The following XIRP2 variants were observed in gnomAD, a reference collection of about 807,000 sequenced individuals.
XIRP2 encodes the protein xin actin-binding repeat-containing protein 2.
XIRP2 carries 236 observed loss-of-function variants against 277.0 expected under a neutral mutation model. That is an observed-to-expected ratio of 0.85 (90% CI 0.77 to 0.95). The LOEUF is 0.95. XIRP2 is among the 40% of genes least tolerant of loss of function. The pLI is 0.00. For synonymous variants in XIRP2, 1,490 were observed against 1,416.5 expected (o/e 1.05, Z -1.17); for missense variants, 4,640 against 4,157.5 (o/e 1.12, Z -3.19).
At position 167,249,624 on chromosome 2, in the gene XIRP2, C is replaced by G. The variant is rs1260382195; in HGVS notation, c.8232C>G (p.Thr2744=). The change falls in exon 9 of 11, where the codon ACC becomes ACG. Residue 2744 remains threonine, a synonymous_variant. Coordinates refer to ENST00000409195, the MANE Select transcript of XIRP2 (RefSeq NM_152381.6). ...QQSEIDVQTF[T]KKQYLKTKKT... is the part of the protein sequence containing the mutation. ...CTGAGATTGATGTTCAAACCTTTACCAAAAAACAATATCTGAAAACCAAGA... is the reference window on the plus strand; with the variant it reads ...CTGAGATTGATGTTCAAACCTTTACGAAAAAACAATATCTGAAAACCAAGA... The G allele has an allele frequency of 5.6e-6, 9 of 1,613,306 alleles. No individual in the cohort carries two copies. The highest frequency in any genetic ancestry group is 6.8e-6 in the Non-Finnish European group (8 of 1,179,734).
intron 5 of XIRP2, among the ~76,000 whole-genome samples, chr2:167,224,122 G>A (rs1694517842): frequency 6.6e-6 from 1 of 152,030 alleles, no homozygotes. Context: ...AACAAGAAGG[G>A]GGAACTCACT....
chr2:167,076,816 T>C (rs1317126094), intron 2 of XIRP2, among the ~76,000 whole-genome samples: 36 of 152,100 alleles, frequency 2.4e-4, no homozygotes, highest in Non-Finnish European at 2.9e-5. Context: ...GTTAGTTATT[T>C]ATGTATTTAT....
intron 2 of XIRP2, among the ~76,000 whole-genome samples, chr2:166,986,960 T>G (rs1687022764): frequency 6.6e-6 from 1 of 152,208 alleles, no homozygotes; most frequent in Admixed American, 6.5e-5. Context: ...CTTATATAAT[T>G]TATTTCACTT....
At chr2:167,222,379 T>C (rs921131785) in intron 5 of XIRP2, among the ~76,000 whole-genome samples, 10 of 152,164 alleles carry the variant, frequency 6.6e-5, no homozygotes, top group African/African-American at 1.2e-4. Flanking sequence ...AGGGTTGAGC[T>C]TCTTCAAAGA....
intron 2 of XIRP2, among the ~76,000 whole-genome samples, chr2:167,108,911 G>A (rs1331259452): frequency 6.6e-6 from 1 of 151,440 alleles, no homozygotes; most frequent in Non-Finnish European, 1.5e-5. Flanking sequence ...GCATAAGTTT[G>A]TTAAAAAGGT....
intron 2 of XIRP2, among the ~76,000 whole-genome samples, chr2:166,910,516 A>T (rs565369386): frequency 6.6e-6 from 1 of 151,930 alleles, no homozygotes; most frequent in East Asian, 1.9e-4. Context: ...CTTCTTTATT[A>T]GTCTTGCTGA....
chr2:167,188,200 C>T (rs1158692557), intron 3 of XIRP2, among the ~76,000 whole-genome samples: 3 of 152,148 alleles, frequency 2.0e-5, no homozygotes, highest in Non-Finnish European at 2.9e-5. Flanking sequence ...ATATCATGCC[C>T]TATATACTGT....
intron 2 of XIRP2, among the ~76,000 whole-genome samples, chr2:167,012,943 A>G (rs543463268): frequency 1.7e-4 from 25 of 151,454 alleles, no homozygotes; most frequent in African/African-American, 6.0e-4. Context: ...GATAAAAATT[A>G]GGATGTAGTA....
chr2:167,061,075 A>G (rs957015435), intron 2 of XIRP2, among the ~76,000 whole-genome samples: 6 of 152,258 alleles, frequency 3.9e-5, no homozygotes, highest in African/African-American at 1.4e-4. Flanking sequence ...TATTGAATGT[A>G]TATTGCTACA....
chr2:167,251,917 A>T lies in XIRP2; in HGVS notation c.10525A>T (p.Thr3509Ser), dbSNP rs768835931. ...TGCTTCTGCAACTGAGATGAGAACC[A>T]CCTTCCAAGAGGAATCTGCATTTAT... The part of the protein sequence containing the change: ...ADASATEMRT[T>S]FQEESAFISE... Residue 3509 changes from threonine (T) to serine (S), a missense_variant, in exon 9 of 11, where the codon ACC becomes TCC. Coordinates refer to ENST00000409195, the MANE Select transcript of XIRP2 (RefSeq NM_152381.6). 6.4e-7 allele frequency: 1 copy of T among 1,571,290 alleles called. No individual in the cohort carries two copies. Among genetic ancestry groups the T allele is most frequent in the South Asian group, 1.2e-5 (1 of 81,604 alleles).
chr2:167,034,466 A>C (rs1456097726), intron 2 of XIRP2, among the ~76,000 whole-genome samples: 1 of 151,874 alleles, frequency 6.6e-6, no homozygotes, highest in African/African-American at 2.4e-5. Flanking sequence ...TGGACTAAAC[A>C]CTCCAATCAA....
chr2:167,135,181 A>G (rs1169465272), intron 2 of XIRP2, among the ~76,000 whole-genome samples: 2 of 152,000 alleles, frequency 1.3e-5, no homozygotes, highest in African/African-American at 4.8e-5. Flanking sequence ...ACTTTTTGCA[A>G]TGTTTTTATT....
intron 2 of XIRP2, among the ~76,000 whole-genome samples, chr2:166,907,224 CAAAT>C (rs1445321111): frequency 1.3e-5 from 2 of 152,078 alleles, no homozygotes; most frequent in African/African-American, 2.4e-5. Context: ...AGCATCCTCT[CAAAT>C]AAATGACATA....
chr2:167,026,170 T>C (rs1033933671), intron 2 of XIRP2, among the ~76,000 whole-genome samples: 9 of 152,202 alleles, frequency 5.9e-5, no homozygotes, highest in African/African-American at 2.2e-4. Context: ...TTAGGATAGT[T>C]AGCTCTTGTT....
At chr2:167,185,060 G>T (rs1358901805) in intron 3 of XIRP2, among the ~76,000 whole-genome samples, 1 of 152,130 alleles carries the variant, frequency 6.6e-6, no homozygotes, top group Non-Finnish European at 1.5e-5. Context: ...GTTATTAAAT[G>T]AAGAATGAAA....
chr2:166,942,449 T>C (rs557766367), intron 2 of XIRP2, among the ~76,000 whole-genome samples: 21 of 152,304 alleles, frequency 1.4e-4, no homozygotes, highest in Non-Finnish European at 7.3e-5. Context: ...ATGTCATATA[T>C]AGGCAAAATG....
Position 167,250,584 on chromosome 2 carries a change from T to C in XIRP2, c.9192T>C (p.Asn3064=). 6.2e-7 allele frequency: 1 copy of C among 1,613,142 alleles called. No homozygotes were observed. Among genetic ancestry groups the C allele is most frequent in the Non-Finnish European group, 8.5e-7 (1 of 1,179,626 alleles). ...TATCTAATGTTCATGTCAGCAATAA[T>C]AAAAATAGTGAACAGAAAGAAAATA... The part of the protein sequence containing the change: ...SKVSNVHVSN[N]KNSEQKENKI... Residue 3064 remains asparagine, a synonymous_variant, in exon 9 of 11, where the codon AAT becomes AAC. Transcript: ENST00000409195.
At chr2:167,156,485 A>G (rs185926797) in intron 3 of XIRP2, among the ~76,000 whole-genome samples, 1 of 148,076 alleles carries the variant, frequency 6.8e-6, no homozygotes, top group Non-Finnish European at 1.5e-5. Flanking sequence ...CTTCTGTAAG[A>G]TGTATCTATA....
chr2:167,258,833 G>C lies in XIRP2; in HGVS notation c.*1016G>C. Reference sequence around the variant, plus strand: ...TACATCTAGAATCTCAGAGTTACTTGGTATATTTGAATCTGAAAAGACTTA... The same window carrying C: ...TACATCTAGAATCTCAGAGTTACTTCGTATATTTGAATCTGAAAAGACTTA... On this transcript the variant is annotated 3_prime_UTR_variant, in exon 11 of 11. Coordinates refer to ENST00000409195, the MANE Select transcript of XIRP2 (RefSeq NM_152381.6). 4 of 1,612,970 alleles carry C rather than the reference G, an allele frequency of 2.5e-6. No homozygotes were observed. Among genetic ancestry groups the C allele is most frequent in the Non-Finnish European group, 3.4e-6 (4 of 1,179,516 alleles).
Sources: allele counts gnomAD v4.1 joint callset (sites outside exome capture counted in the v4.1 genomes callset), GRCh38; gene constraint gnomAD v4.1.1; transcripts MANE v1.5; gene names NCBI Gene and HGNC (gene_info 2026-07-23, HGNC 2026-07-21).